ESRRG: variants seen among roughly 807,000 people sequenced by gnomAD.
ESRRG encodes estrogen-related receptor gamma.
A neutral mutation model predicts 44.0 loss-of-function variants in ESRRG; 13 were observed. The ratio of observed to expected loss-of-function variants is 0.30; its 90% confidence interval spans 0.19 to 0.47. ESRRG has a LOEUF of 0.47. Ranked by LOEUF, ESRRG falls within the 20% of genes least tolerant of loss-of-function variation. The pLI is 1.00. For synonymous variants in ESRRG, 215 were observed against 214.6 expected (o/e 1.00, Z -0.02); for missense variants, 395 against 580.6 (o/e 0.68, Z 3.29).
intron 1 of ESRRG, among the ~76,000 whole-genome samples, chr1:217,119,489 G>C (rs1272214262): frequency 6.6e-6 from 1 of 152,090 alleles, no homozygotes; most frequent in Admixed American, 6.5e-5. Flanking sequence ...CAAATGAAAA[G>C]AAAAAGAGCT....
intron 1 of ESRRG, among the ~76,000 whole-genome samples, chr1:217,040,242 G>A (rs1181688870): frequency 6.6e-6 from 1 of 152,070 alleles, no homozygotes; most frequent in Non-Finnish European, 1.5e-5. Context: ...TAGGTATTTG[G>A]ACTGGTCATG....
chr1:217,082,614 G>A (rs2091842363), intron 1 of ESRRG, among the ~76,000 whole-genome samples: 1 of 151,922 alleles, frequency 6.6e-6, no homozygotes, highest in African/African-American at 2.4e-5. Flanking sequence ...TCACAGCTCA[G>A]TTAAGTACAG....
At chr1:217,071,098 C>T (rs1308828763) in intron 1 of ESRRG, among the ~76,000 whole-genome samples, 1 of 152,098 alleles carries the variant, frequency 6.6e-6, no homozygotes, top group South Asian at 2.1e-4. Flanking sequence ...CTCCATAAGA[C>T]AGAATTAAAT....
chr1:216,778,372 T>A (rs2093690577), intron 2 of ESRRG, among the ~76,000 whole-genome samples: 1 of 151,944 alleles, frequency 6.6e-6, no homozygotes, highest in Non-Finnish European at 1.5e-5. Context: ...CATGGATAAT[T>A]CCTGGGGAGG....
chr1:216,724,305 T>C (rs1342938361), upstream of ESRRG, among the ~76,000 whole-genome samples: 1 of 150,958 alleles, frequency 6.6e-6, no homozygotes, highest in Admixed American at 6.6e-5. Flanking sequence ...CTGAGGGCTG[T>C]GGGGGTAAAT....
At chr1:216,548,059 C>T (rs751737658) in intron 5 of ESRRG, among the ~76,000 whole-genome samples, 3 of 151,950 alleles carry the variant, frequency 2.0e-5, no homozygotes, top group Non-Finnish European at 2.9e-5. Flanking sequence ...AAGACCTGGA[C>T]AGTATTTTTA....
intron 1 of ESRRG, among the ~76,000 whole-genome samples, chr1:216,949,815 CT>C (rs1219879139): frequency 1.9e-3 from 267 of 142,776 alleles, no homozygotes; most frequent in Middle Eastern, 3.8e-3. Flanking sequence ...TTTTTCCAAA[CT>C]TTTTTTTTTT....
intron 1 of ESRRG, among the ~76,000 whole-genome samples, chr1:217,054,406 C>T (rs571890923): frequency 1.7e-4 from 26 of 152,232 alleles, no homozygotes; most frequent in Non-Finnish European, 2.5e-4. Context: ...AACTCAGAAA[C>T]GTCTTGGAAA....
chr1:217,060,788 C>CTAGATAGA (rs61465430), intron 1 of ESRRG, among the ~76,000 whole-genome samples: 4,830 of 65,512 alleles, frequency 0.074, 104 homozygotes, highest in African/African-American at 0.1. Flanking sequence ...ATATTGAACA[C>CTAGATAGA]TAGATAGATA....
chr1:216,844,783 G>A (rs369355809), intron 2 of ESRRG, among the ~76,000 whole-genome samples: 2 of 147,974 alleles, frequency 1.4e-5, no homozygotes, highest in Non-Finnish European at 3.0e-5. Context: ...GTGTGTGTGT[G>A]GTGTGCACAC....
At chr1:217,107,443 G>A (rs1039069282) in intron 1 of ESRRG, among the ~76,000 whole-genome samples, 5 of 151,192 alleles carry the variant, frequency 3.3e-5, no homozygotes, top group Admixed American at 3.3e-4. Context: ...GTGATTTCTA[G>A]TTATGTCTTT....
chr1:217,053,917 T>G (rs1311308213), intron 1 of ESRRG, among the ~76,000 whole-genome samples: 2 of 152,076 alleles, frequency 1.3e-5, no homozygotes, highest in Non-Finnish European at 2.9e-5. Flanking sequence ...TGTATGGTAC[T>G]ACTTTACAAG....
rs368950995 is a variant in ESRRG at position 217,097,843 on chromosome 1, T to TGA, written c.-230+39823_-230+39824insTC. On this transcript the variant is annotated intron_variant, in intron 1 of 8. Transcript: ENST00000366940. ...AAGTATTTCTTTTGGCCAGGCTGCTTAAAAAAAAAAAAAAAAAGATGATCT... is the reference window on the plus strand; with the variant it reads ...AAGTATTTCTTTTGGCCAGGCTGCTTGAAAAAAAAAAAAAAAAAAGATGATCT... Among the ~76,000 whole-genome samples the TGA allele has an allele frequency of 2.8e-3, 385 of 139,048 alleles. 4 individuals are homozygous for TGA. The highest frequency in any genetic ancestry group is 0.023 in the South Asian group (98 of 4,292). The allele number at this position is 139,048 out of a possible 152,430, so 91.2% of individuals were successfully genotyped here.
intron 3 of ESRRG, among the ~76,000 whole-genome samples, chr1:216,644,677 C>A (rs2067170564): frequency 6.6e-6 from 1 of 151,902 alleles, no homozygotes; most frequent in Non-Finnish European, 1.5e-5. Context: ...ACTCAAGCAA[C>A]CCTCCCACCT....
intron 1 of ESRRG, among the ~76,000 whole-genome samples, chr1:217,048,571 C>T (rs1014238694): frequency 6.6e-6 from 1 of 152,102 alleles, no homozygotes; most frequent in Non-Finnish European, 1.5e-5. Context: ...AAACCAGGCC[C>T]CCTTCCACCA....
At chr1:217,057,970 G>A (rs1429520731) in intron 1 of ESRRG, among the ~76,000 whole-genome samples, 1 of 152,176 alleles carries the variant, frequency 6.6e-6, no homozygotes, top group Non-Finnish European at 1.5e-5. Context: ...CATAGGCAAA[G>A]AAAATTGAAC....
At chr1:216,530,743 T>C (rs1047752834) in intron 5 of ESRRG, among the ~76,000 whole-genome samples, 1 of 152,196 alleles carries the variant, frequency 6.6e-6, no homozygotes, top group African/African-American at 2.4e-5. Context: ...AAAGAAAAAT[T>C]GCTTATAATT....
At chr1:216,969,634 A>T (rs2071222187) in intron 1 of ESRRG, among the ~76,000 whole-genome samples, 1 of 151,988 alleles carries the variant, frequency 6.6e-6, no homozygotes, top group Non-Finnish European at 1.5e-5. Context: ...TGCCCAGGCT[A>T]GAGTGCAATG....
At chr1:216,939,365 A>AAAAAAAAAAAAAAC (rs1560189110) in intron 2 of ESRRG, among the ~76,000 whole-genome samples, 18 of 139,760 alleles carry the variant, frequency 1.3e-4, no homozygotes, top group African/African-American at 4.8e-4. Flanking sequence ...AAAAAAAAAA[A>AAAAAAAAAAAAAAC]AAAAACACTT....
Sources: gnomAD v4.1 joint callset for allele counts (sites outside exome capture counted in the v4.1 genomes callset) on GRCh38, gnomAD v4.1.1 for gene constraint, MANE v1.5 for transcripts, NCBI Gene and HGNC (gene_info 2026-07-23, HGNC 2026-07-21) for gene names.